SORCS1: variants seen among roughly 807,000 people sequenced by gnomAD.
SORCS1 encodes the protein sortilin related VPS10 domain containing receptor 1.
A neutral mutation model predicts 146.1 loss-of-function variants in SORCS1; 60 were observed. The observed-to-expected ratio is 0.41, with a 90% confidence interval of 0.33 to 0.51. SORCS1 has a LOEUF of 0.51. Ranked by LOEUF, SORCS1 falls within the 20% of genes least tolerant of loss-of-function variation. SORCS1 has a pLI of 0.21. For synonymous variants in SORCS1, 637 were observed against 584.0 expected (o/e 1.09, Z -1.31); for missense variants, 1,352 against 1,487.6 (o/e 0.91, Z 1.50).
intron 3 of SORCS1, among the ~76,000 whole-genome samples, chr10:106,795,663 T>C: frequency 6.6e-6 from 1 of 152,212 alleles, no homozygotes; most frequent in Admixed American, 6.5e-5. Flanking sequence ...GTGTGATCTT[T>C]GGTATTTATA....
At chr10:106,903,193 T>G (rs1317267891) in intron 2 of SORCS1, among the ~76,000 whole-genome samples, 1 of 152,242 alleles carries the variant, frequency 6.6e-6, no homozygotes, top group Non-Finnish European at 1.5e-5. Flanking sequence ...TCCATTTTAA[T>G]GTTTCCAACC....
At chr10:106,590,711 G>A (rs1057477591) in intron 24 of SORCS1, among the ~76,000 whole-genome samples, 2 of 152,170 alleles carry the variant, frequency 1.3e-5, no homozygotes. Flanking sequence ...CTGGAGTGCA[G>A]TGGCATGATC....
intron 2 of SORCS1, among the ~76,000 whole-genome samples, chr10:106,915,463 C>T (rs937010860): frequency 6.6e-6 from 1 of 152,074 alleles, no homozygotes; most frequent in Non-Finnish European, 1.5e-5. Flanking sequence ...TTGCCCACTC[C>T]TTCCCCTCCT....
At chr10:107,015,309 G>T (rs979309643) in intron 1 of SORCS1, among the ~76,000 whole-genome samples, 6 of 152,228 alleles carry the variant, frequency 3.9e-5, no homozygotes, top group African/African-American at 1.4e-4. Context: ...ACATTGTATG[G>T]TATGTCAGAA....
At chr10:107,032,775 T>A (rs1367472527) in intron 1 of SORCS1, among the ~76,000 whole-genome samples, 1 of 152,180 alleles carries the variant, frequency 6.6e-6, no homozygotes, top group East Asian at 1.9e-4. Context: ...CATTCAGGGC[T>A]GAAACAACAC....
intron 2 of SORCS1, among the ~76,000 whole-genome samples, chr10:106,849,590 A>G (rs1392972325): frequency 1.3e-5 from 2 of 151,518 alleles, no homozygotes; most frequent in Non-Finnish European, 2.9e-5. Context: ...TCAGCTCGTC[A>G]AAATCATTCT....
intron 18 of SORCS1, among the ~76,000 whole-genome samples, chr10:106,631,586 G>A (rs927424552): frequency 1.3e-5 from 2 of 152,156 alleles, no homozygotes; most frequent in Admixed American, 1.3e-4. Context: ...CACTAGAGAG[G>A]GGGGAGGACA....
intron 18 of SORCS1, among the ~76,000 whole-genome samples, chr10:106,637,077 TGA>T (rs1482092873): frequency 1.7e-4 from 26 of 152,190 alleles, no homozygotes. Flanking sequence ...CCTGGTAGTG[TGA>T]GTGTTTGACA....
chr10:107,161,444 T>C (rs1969697203), intron 1 of SORCS1, among the ~76,000 whole-genome samples: 2 of 152,292 alleles, frequency 1.3e-5, no homozygotes, highest in East Asian at 1.9e-4. Flanking sequence ...TTAGTGGATT[T>C]CCCACCCTGG....
At chr10:107,015,225 A>T (rs768670046) in intron 1 of SORCS1, among the ~76,000 whole-genome samples, 25 of 152,180 alleles carry the variant, frequency 1.6e-4, no homozygotes, top group Non-Finnish European at 2.8e-4. Context: ...TTCCCTTGGG[A>T]TATGTTAGCC....
At chr10:107,103,451 AG>A (rs764576648) in intron 1 of SORCS1, among the ~76,000 whole-genome samples, 2 of 152,222 alleles carry the variant, frequency 1.3e-5, no homozygotes, top group Non-Finnish European at 2.9e-5. Context: ...AGCATGCCTC[AG>A]CTTTTCTTGC....
At chr10:106,710,459 A>C (rs1011232478) in intron 6 of SORCS1, among the ~76,000 whole-genome samples, 1 of 147,562 alleles carries the variant, frequency 6.8e-6, no homozygotes, top group East Asian at 2.0e-4. Context: ...AGCAAAACCG[A>C]ATTGGGAGGA....
At chr10:106,783,995 A>C (rs1462179266) in intron 3 of SORCS1, among the ~76,000 whole-genome samples, 4 of 152,184 alleles carry the variant, frequency 2.6e-5, no homozygotes, top group Non-Finnish European at 5.9e-5. Flanking sequence ...TAAAAAAAAA[A>C]CAGACTCATT....
At chr10:106,688,118 T>A (rs1437106186) in intron 10 of SORCS1, 74 bp downstream of exon 10, 2 of 1,555,384 alleles carry the variant, frequency 1.3e-6, no homozygotes, top group Non-Finnish European at 8.7e-7. Context: ...CCCAGAACTA[T>A]CCTCACCCTC....
intron 1 of SORCS1, among the ~76,000 whole-genome samples, chr10:107,125,775 C>T (rs974269465): frequency 2.0e-5 from 3 of 152,116 alleles, no homozygotes; most frequent in African/African-American, 7.2e-5. Flanking sequence ...TCCCCCTCTG[C>T]TACTAATAAC....
chr10:107,156,169 T>C lies in SORCS1; in HGVS notation c.558+7800A>G, dbSNP rs569039011. Among the ~76,000 whole-genome samples the C allele has an allele frequency of 8.5e-5, 13 of 152,296 alleles. No homozygotes were observed. The East Asian group carries it at 2.1e-3, about 25-fold the overall frequency. ...CCCCTACCACCCCATCTGCACTGAATTGTGGAGTTCTTTCCAAAGAAACTC... is the reference window on the plus strand; with the variant it reads ...CCCCTACCACCCCATCTGCACTGAACTGTGGAGTTCTTTCCAAAGAAACTC... On this transcript the variant is annotated intron_variant, in intron 1 of 25. Coordinates refer to ENST00000263054, the MANE Select transcript of SORCS1 (RefSeq NM_052918.5).
chr10:107,148,756 T>A (rs572664981), intron 1 of SORCS1, among the ~76,000 whole-genome samples: 3 of 152,284 alleles, frequency 2.0e-5, no homozygotes, highest in Non-Finnish European at 4.4e-5. Context: ...AAGATTTTAA[T>A]CTAACCAAAT....
In SORCS1 at chr10:106,974,956, T is replaced by G. The variant is rs139730089; in HGVS notation, c.559-18376A>C. Among the ~76,000 whole-genome samples the G allele has an allele frequency of 5.5e-3, 839 of 152,252 alleles. 5 individuals carry two copies. The highest frequency in any genetic ancestry group is 0.034 in the Middle Eastern group (10 of 294). On this transcript the variant is annotated intron_variant, in intron 1 of 25. Coordinates refer to ENST00000263054, the MANE Select transcript of SORCS1 (RefSeq NM_052918.5). ...ACAAACAAAACCTGAGGTCTAACATTCACATCAGCAATGCCTGCAGCCCTC... is the reference window on the plus strand; with the variant it reads ...ACAAACAAAACCTGAGGTCTAACATGCACATCAGCAATGCCTGCAGCCCTC...
chr10:106,889,767 C>G (rs773943627), intron 2 of SORCS1, among the ~76,000 whole-genome samples: 4 of 151,888 alleles, frequency 2.6e-5, no homozygotes, highest in Non-Finnish European at 4.4e-5. Flanking sequence ...GGGCGGTAGT[C>G]CCAGCTACTC....
Sources: gnomAD v4.1 joint callset for allele counts (sites outside exome capture counted in the v4.1 genomes callset) on GRCh38, gnomAD v4.1.1 for gene constraint, MANE v1.5 for transcripts, NCBI Gene and HGNC (gene_info 2026-07-23, HGNC 2026-07-21) for gene names.